CSMD2: variants seen among roughly 807,000 people sequenced by gnomAD.
The protein encoded by CSMD2 is CUB and sushi domain-containing protein 2.
In CSMD2, 130 loss-of-function variants were observed where a neutral mutation model predicts 398.5. The ratio of observed to expected loss-of-function variants is 0.33; its 90% CI spans 0.28 to 0.38. CSMD2 has a LOEUF of 0.38. Among genes scored for constraint, CSMD2 ranks in the 10% least tolerant of loss-of-function variants. The probability of loss-of-function intolerance (pLI) is 1.00; values close to 1 mark genes in which losing one functional copy is unlikely to be tolerated. For missense variants in CSMD2, 3,829 were observed against 4,764.9 expected, an observed-to-expected ratio of 0.80 and a Z score of 5.78; for synonymous variants, 1,828 against 1,908.5, an observed-to-expected ratio of 0.96 and a Z score of 1.10.
chr1:33,811,970 G>C (rs1656914643), intron 9 of CSMD2, among the ~76,000 whole-genome samples: 1 of 152,090 alleles, frequency 6.6e-6, no homozygotes, highest in Non-Finnish European at 1.5e-5. Context: ...TCCTCTGATG[G>C]GGCCAAATAT....
intron 26 of CSMD2, among the ~76,000 whole-genome samples, chr1:33,661,234 G>C (rs1395808092): frequency 6.6e-6 from 1 of 152,236 alleles, no homozygotes; most frequent in Non-Finnish European, 1.5e-5. Context: ...CTTGGGCGCA[G>C]TTGGAGAAAA....
chr1:33,679,613 A>G (rs1644837603), intron 25 of CSMD2, among the ~76,000 whole-genome samples: 1 of 152,210 alleles, frequency 6.6e-6, no homozygotes, highest in Non-Finnish European at 1.5e-5. Flanking sequence ...GAGTATTATC[A>G]TAAATGAAAT....
At chr1:33,571,929 A>G (rs1659632508) in intron 50 of CSMD2, among the ~76,000 whole-genome samples, 1 of 152,198 alleles carries the variant, frequency 6.6e-6, no homozygotes, top group African/African-American at 2.4e-5. Context: ...CTGCTAAAAA[A>G]TTAAAAATTA....
chr1:33,874,621 G>C (rs1052841058), intron 5 of CSMD2, among the ~76,000 whole-genome samples: 3 of 152,178 alleles, frequency 2.0e-5, no homozygotes, highest in Non-Finnish European at 4.4e-5. Context: ...GGTATTTCCA[G>C]ATAAGTACCT....
intron 1 of CSMD2, among the ~76,000 whole-genome samples, chr1:34,129,612 A>G (rs1663118217): frequency 6.6e-6 from 1 of 152,218 alleles, no homozygotes; most frequent in Non-Finnish European, 1.5e-5. Flanking sequence ...AGATTGCGCC[A>G]CTGTACTCCA....
At chr1:33,737,914 A>G (rs1347990404) in intron 15 of CSMD2, among the ~76,000 whole-genome samples, 1 of 152,140 alleles carries the variant, frequency 6.6e-6, no homozygotes, top group Non-Finnish European at 1.5e-5. Flanking sequence ...GATAATTATC[A>G]TTATCCCTCC....
chr1:33,697,865 T>C (rs1345439215), intron 24 of CSMD2, among the ~76,000 whole-genome samples: 2 of 152,262 alleles, frequency 1.3e-5, no homozygotes, highest in Non-Finnish European at 2.9e-5. Flanking sequence ...TACCCAGACA[T>C]ACATGTGCAC....
At chr1:33,697,608 T>C (rs1462245020) in intron 24 of CSMD2, among the ~76,000 whole-genome samples, 1 of 152,234 alleles carries the variant, frequency 6.6e-6, no homozygotes, top group African/African-American at 2.4e-5. Context: ...CAGTCTAGAA[T>C]GTCAACCTCC....
At chr1:33,909,318 G>A (rs891550449) in intron 5 of CSMD2, among the ~76,000 whole-genome samples, 3 of 152,106 alleles carry the variant, frequency 2.0e-5, no homozygotes. Flanking sequence ...TTCTTCCCCT[G>A]TGGCTCCTTC....
At chr1:33,962,062 C>T (rs534437151) in intron 3 of CSMD2, among the ~76,000 whole-genome samples, 22 of 152,278 alleles carry the variant, frequency 1.4e-4, no homozygotes, top group African/African-American at 4.8e-4. Context: ...AAATGGTACA[C>T]TAGCTGTTTG....
rs79318862 is a variant in CSMD2 at position 33,662,432 on chromosome 1, T to G, written c.4255+458A>C. On this transcript the variant is annotated intron_variant, in intron 26 of 70. Transcript: ENST00000373381. ...GCATCTACACTTGTTCATGTGTTCT[T>G]TGCACCTAGGATGCCCTTTTCTCTC... is the stretch of plus-strand genomic sequence containing the variant. 6.0e-3 allele frequency among the ~76,000 whole-genome samples: 921 copies of G among 152,312 alleles called. 9 individuals are homozygous for G. The highest frequency in any genetic ancestry group is 0.021 in the African/African-American group (889 of 41,560).
intron 2 of CSMD2, among the ~76,000 whole-genome samples, chr1:34,051,426 TG>T (rs1399939530): frequency 6.6e-6 from 1 of 152,192 alleles, no homozygotes; most frequent in Non-Finnish European, 1.5e-5. Context: ...TATGAGTGTT[TG>T]CATGTGTATA....
chr1:33,993,828 C>G (rs535844604), intron 3 of CSMD2, among the ~76,000 whole-genome samples: 1 of 152,234 alleles, frequency 6.6e-6, no homozygotes, highest in Non-Finnish European at 1.5e-5. Context: ...TATTTACCAC[C>G]ACTCTTTTGC....
intron 45 of CSMD2, 147 bp from the exon 46 acceptor site, chr1:33,586,764 G>T (rs1639106349): frequency 1.6e-6 from 1 of 619,964 alleles, no homozygotes; most frequent in East Asian, 2.8e-5. Context: ...TGGCCCAGAC[G>T]ACTGCTCCCC....
intron 15 of CSMD2, among the ~76,000 whole-genome samples, chr1:33,727,896 T>G (rs1416128693): frequency 6.6e-6 from 1 of 152,186 alleles, no homozygotes; most frequent in Non-Finnish European, 1.5e-5. Flanking sequence ...CCACTATTAC[T>G]GCTTCTGTCA....
At chr1:33,540,399 T>C in intron 60 of CSMD2, 126 bp downstream of exon 60, 1 of 895,052 alleles carries the variant, frequency 1.1e-6, no homozygotes. Context: ...GTGTCTTTGA[T>C]GAAGCTCCTC....
chr1:33,854,174 T>C (rs1198630578), intron 5 of CSMD2, among the ~76,000 whole-genome samples: 2 of 152,198 alleles, frequency 1.3e-5, no homozygotes, highest in Non-Finnish European at 2.9e-5. Flanking sequence ...CTGGTTTACT[T>C]CTCCTTTGTC....
chr1:33,650,128 C>A (rs968769630), intron 28 of CSMD2, among the ~76,000 whole-genome samples: 1 of 152,208 alleles, frequency 6.6e-6, no homozygotes, highest in African/African-American at 2.4e-5. Flanking sequence ...TAACTAACTG[C>A]CTTCTTTCTG....
chr1:33,588,703 A>G (rs1209944290), intron 44 of CSMD2, among the ~76,000 whole-genome samples: 2 of 152,246 alleles, frequency 1.3e-5, no homozygotes, highest in Non-Finnish European at 2.9e-5. Context: ...GCCTCTGTGC[A>G]TTGCATACTG....
Sources: gnomAD v4.1 joint callset for allele counts (sites outside exome capture counted in the v4.1 genomes callset) on GRCh38, gnomAD v4.1.1 for gene constraint, MANE v1.5 for transcripts, NCBI Gene and HGNC (gene_info 2026-07-23, HGNC 2026-07-21) for gene names.